Variants in MYO5A observed in about 807,000 individuals in gnomAD.
MYO5A encodes myosin VA.
In MYO5A, 98 loss-of-function variants were observed where a neutral mutation model predicts 249.7. The ratio of observed to expected loss-of-function variants is 0.39; its 90% confidence interval spans 0.33 to 0.46. MYO5A has a LOEUF of 0.46. MYO5A is among the 20% of genes least tolerant of loss of function. The probability of loss-of-function intolerance (pLI) is 0.98; values close to 1 mark genes in which losing one functional copy is unlikely to be tolerated. For synonymous variants in MYO5A, 778 were observed against 810.6 expected (o/e 0.96, Z 0.68); for missense variants, 1,696 against 2,308.8 (o/e 0.73, Z 5.44).
At chr15:52,317,338 T>C (rs1388743500) in intron 39 of MYO5A, 116 bp from the exon 40 acceptor site, 7 of 1,038,006 alleles carry the variant, frequency 6.7e-6, no homozygotes, top group Non-Finnish European at 1.0e-5. Context: ...GCAGTATTTT[T>C]GTTCAATTTT....
At chr15:52,461,031 A>G (rs2076237782) in intron 1 of MYO5A, among the ~76,000 whole-genome samples, 1 of 152,062 alleles carries the variant, frequency 6.6e-6, no homozygotes, top group Non-Finnish European at 1.5e-5. Context: ...GGCTCACTGC[A>G]GCCTCAACCT....
chr15:52,507,834 G>T (rs1342988497), intron 1 of MYO5A, among the ~76,000 whole-genome samples: 1 of 132,024 alleles, frequency 7.6e-6, no homozygotes, highest in Non-Finnish European at 1.7e-5. Flanking sequence ...GTAATAACTA[G>T]AGATCTATCT....
chr15:52,498,413 T>C (rs193273090), intron 1 of MYO5A, among the ~76,000 whole-genome samples: 4 of 152,314 alleles, frequency 2.6e-5, no homozygotes, highest in East Asian at 3.9e-4. Flanking sequence ...AACTGCCCTA[T>C]AGAAAGACTG....
At chr15:52,381,731 C>G (rs1163629258) in intron 16 of MYO5A, among the ~76,000 whole-genome samples, 1 of 151,458 alleles carries the variant, frequency 6.6e-6, no homozygotes, top group African/African-American at 2.4e-5. Flanking sequence ...AAAGACTAAA[C>G]AGCAATCATA....
chr15:52,401,229 C>G (rs2042740037), intron 9 of MYO5A, among the ~76,000 whole-genome samples: 1 of 152,112 alleles, frequency 6.6e-6, no homozygotes, highest in Admixed American at 6.6e-5. Context: ...CGCATGATGT[C>G]CAGCTAATTT....
chr15:52,474,378 C>A (rs961609180), intron 1 of MYO5A, among the ~76,000 whole-genome samples: 5 of 152,128 alleles, frequency 3.3e-5, no homozygotes, highest in African/African-American at 7.2e-5. Flanking sequence ...AATACCCTTT[C>A]TTTCTTTCTC....
intron 9 of MYO5A, among the ~76,000 whole-genome samples, chr15:52,404,805 A>G (rs935892): frequency 0.47 from 71,945 of 151,830 alleles, 18,850 homozygotes; most frequent in East Asian, 0.85. Context: ...AGTGTGAGAA[A>G]CAATGAGAAA....
intron 1 of MYO5A, among the ~76,000 whole-genome samples, chr15:52,459,528 T>C (rs2076194446): frequency 6.6e-6 from 1 of 152,226 alleles, no homozygotes; most frequent in Non-Finnish European, 1.5e-5. Flanking sequence ...GAAGAATTTT[T>C]CCTAGTACAG....
chr15:52,459,059 G>A (rs1884385561), intron 1 of MYO5A, among the ~76,000 whole-genome samples: 1 of 150,498 alleles, frequency 6.6e-6, no homozygotes, highest in East Asian at 2.0e-4. Flanking sequence ...GAGTGTAATG[G>A]TGCAATCTTG....
At chr15:52,378,813 G>T (rs1294959759) in intron 18 of MYO5A, among the ~76,000 whole-genome samples, 2 of 152,096 alleles carry the variant, frequency 1.3e-5, no homozygotes, top group Admixed American at 6.5e-5. Flanking sequence ...AGACAGCATC[G>T]GCATCACCCG....
At chr15:52,405,535 T>G (rs945514535) in intron 8 of MYO5A, 142 bp from the exon 9 acceptor site, 5 of 715,154 alleles carry the variant, frequency 7.0e-6, no homozygotes, top group Non-Finnish European at 1.2e-5. Flanking sequence ...CTAACAACAC[T>G]TTCATCTTTG....
intron 1 of MYO5A, chr15:52,437,996 G>T (rs1409315338): frequency 1.0e-6 from 1 of 978,448 alleles, no homozygotes. Flanking sequence ...AAGCATCCAA[G>T]GAGAAATAGG....
At chr15:52,369,365 A>C (rs1356864615) in intron 22 of MYO5A, among the ~76,000 whole-genome samples, 1 of 152,208 alleles carries the variant, frequency 6.6e-6, no homozygotes, top group Non-Finnish European at 1.5e-5. Flanking sequence ...AAAATCGATT[A>C]CTTTTTTCCA....
chr15:52,519,762 G>T (rs190200374), intron 1 of MYO5A, among the ~76,000 whole-genome samples: 1,576 of 151,126 alleles, frequency 0.01, 37 homozygotes, highest in Non-Finnish European at 9.8e-3. Flanking sequence ...ACAGAGTCTT[G>T]CTTTGTCGCC....
intron 1 of MYO5A, among the ~76,000 whole-genome samples, chr15:52,457,806 A>C (rs1383627359): frequency 6.6e-6 from 1 of 152,196 alleles, no homozygotes; most frequent in Non-Finnish European, 1.5e-5. Flanking sequence ...GCATATCTGC[A>C]CCCTCATGTT....
chr15:52,512,917 G>GCA (rs2077421514), intron 1 of MYO5A, among the ~76,000 whole-genome samples: 1 of 149,592 alleles, frequency 6.7e-6, no homozygotes, highest in South Asian at 2.2e-4. Context: ...CATGAGGTCA[G>GCA]GAGACGGAGA....
At chr15:52,395,333 T>C (rs2042441900) in intron 11 of MYO5A, among the ~76,000 whole-genome samples, 1 of 152,208 alleles carries the variant, frequency 6.6e-6, no homozygotes, top group African/African-American at 2.4e-5. Flanking sequence ...CTTTTGTTTT[T>C]TAACCAAATT....
At chr15:52,348,751 G>A in intron 29 of MYO5A, 67 bp downstream of exon 29, 2 of 1,291,068 alleles carry the variant, frequency 1.5e-6, no homozygotes, top group Non-Finnish European at 2.1e-6. Flanking sequence ...TTTATTGGGG[G>A]ATACTTGTAA....
intron 14 of MYO5A, among the ~76,000 whole-genome samples, chr15:52,387,098 T>C (rs972877458): frequency 6.6e-6 from 1 of 152,320 alleles, no homozygotes; most frequent in East Asian, 1.9e-4. Context: ...TTTGCTGACC[T>C]AAGAAACTGG....
Sources: allele counts gnomAD v4.1 joint callset (sites outside exome capture counted in the v4.1 genomes callset), GRCh38; gene constraint gnomAD v4.1.1; transcripts MANE v1.5; gene names NCBI Gene and HGNC (gene_info 2026-07-23, HGNC 2026-07-21).